Variants in GRIN2A observed in about 807,000 individuals in gnomAD.
GRIN2A encodes the protein glutamate ionotropic receptor NMDA type subunit 2A, also known as glutamate receptor ionotropic, NMDA 2A.
In GRIN2A, 22 loss-of-function variants were observed where a neutral mutation model predicts 113.4. The ratio of observed to expected loss-of-function variants is 0.19; its 90% CI spans 0.14 to 0.28. GRIN2A has a LOEUF of 0.28. Among genes scored for constraint, GRIN2A ranks in the 10% least tolerant of loss-of-function variants. The probability of loss-of-function intolerance (pLI) is 1.00; values close to 1 mark genes in which losing one functional copy is unlikely to be tolerated. For missense variants in GRIN2A, 1,502 were observed against 1,887.0 expected, an observed-to-expected ratio of 0.80 and a Z score of 3.78; for synonymous variants, 827 against 738.4, an observed-to-expected ratio of 1.12 and a Z score of -1.94.
At chr16:10,089,429 T>G (rs1480709874) in intron 2 of GRIN2A, among the ~76,000 whole-genome samples, 1 of 152,154 alleles carries the variant, frequency 6.6e-6, no homozygotes, top group African/African-American at 2.4e-5. Flanking sequence ...ACAATGAATG[T>G]TAAATATGTA....
chr16:9,783,679 A>G (rs1902055924), intron 11 of GRIN2A, among the ~76,000 whole-genome samples: 1 of 152,204 alleles, frequency 6.6e-6, no homozygotes, highest in African/African-American at 2.4e-5. Flanking sequence ...AGAATGAATA[A>G]AACTCAGGGC....
At chr16:9,886,941 G>A (rs1208637981) in intron 4 of GRIN2A, among the ~76,000 whole-genome samples, 1 of 152,138 alleles carries the variant, frequency 6.6e-6, no homozygotes, top group South Asian at 2.1e-4. Context: ...AGGTTGAAGT[G>A]CAGTGGTGCG....
intron 3 of GRIN2A, among the ~76,000 whole-genome samples, chr16:9,909,743 A>G (rs2044097238): frequency 1.3e-5 from 2 of 152,188 alleles, no homozygotes; most frequent in Non-Finnish European, 2.9e-5. Context: ...TATTTTTAGA[A>G]TTAGATTTTA....
chr16:10,117,739 C>T (rs930712453), intron 2 of GRIN2A, among the ~76,000 whole-genome samples: 3 of 152,162 alleles, frequency 2.0e-5, no homozygotes, highest in African/African-American at 7.2e-5. Context: ...GAGGGCTTAA[C>T]AGAGATTGAT....
chr16:10,135,633 C>T (rs148533403), intron 2 of GRIN2A, among the ~76,000 whole-genome samples: 47 of 152,276 alleles, frequency 3.1e-4, no homozygotes, highest in African/African-American at 1.1e-3. Context: ...TTAAGAAATA[C>T]ATGACAAGGA....
intron 2 of GRIN2A, among the ~76,000 whole-genome samples, chr16:10,144,957 A>C (rs1311365651): frequency 1.4e-5 from 2 of 142,328 alleles, no homozygotes; most frequent in Non-Finnish European, 3.1e-5. Flanking sequence ...TGAATGAATA[A>C]AGAAAATGTG....
intron 4 of GRIN2A, among the ~76,000 whole-genome samples, chr16:9,857,180 G>A (rs943442255): frequency 6.6e-6 from 1 of 152,152 alleles, no homozygotes; most frequent in Non-Finnish European, 1.5e-5. Context: ...TCCTAGTCAA[G>A]AGGAGCCTAA....
At chr16:9,840,617 A>G (rs370255206) in intron 7 of GRIN2A, 30 bp downstream of exon 7, 15 of 1,600,354 alleles carry the variant, frequency 9.4e-6, no homozygotes, top group African/African-American at 1.3e-5. Flanking sequence ...TCCTTATAGG[A>G]AAGCAATAGT....
At chr16:10,091,328 G>C (rs1008224091) in intron 2 of GRIN2A, among the ~76,000 whole-genome samples, 1 of 152,134 alleles carries the variant, frequency 6.6e-6, no homozygotes, top group African/African-American at 2.4e-5. Flanking sequence ...CAAAATGTTG[G>C]CTGGGCGCAG....
intron 10 of GRIN2A, among the ~76,000 whole-genome samples, chr16:9,813,408 T>C (rs1156381880): frequency 1.3e-5 from 2 of 152,226 alleles, no homozygotes; most frequent in Admixed American, 1.3e-4. Context: ...CAAGTAATAC[T>C]GTGTTGCTGA....
At chr16:10,069,149 T>C (rs1248085034) in intron 2 of GRIN2A, among the ~76,000 whole-genome samples, 2 of 151,686 alleles carry the variant, frequency 1.3e-5, no homozygotes, top group Admixed American at 6.6e-5. Context: ...AAGGAAAGGA[T>C]GAAGTAGGGG....
intron 3 of GRIN2A, among the ~76,000 whole-genome samples, chr16:9,929,430 C>T (rs1421001312): frequency 6.6e-6 from 1 of 152,162 alleles, no homozygotes. Flanking sequence ...ATTATTATAG[C>T]TCTTTTAACA....
At chr16:10,134,529 T>C (rs1190346544) in intron 2 of GRIN2A, among the ~76,000 whole-genome samples, 1 of 151,976 alleles carries the variant, frequency 6.6e-6, no homozygotes, top group Non-Finnish European at 1.5e-5. Context: ...TTAATGTAAA[T>C]GATGAGTTGA....
At chr16:10,145,513 T>TAA (rs34055110) in intron 2 of GRIN2A, among the ~76,000 whole-genome samples, 35 of 150,090 alleles carry the variant, frequency 2.3e-4, no homozygotes, top group Admixed American at 4.0e-4. Flanking sequence ...CAGCTGTTTT[T>TAA]AAAAAAAAAA....
intron 2 of GRIN2A, among the ~76,000 whole-genome samples, chr16:10,148,383 C>T (rs980257625): frequency 6.6e-6 from 1 of 152,126 alleles, no homozygotes; most frequent in East Asian, 1.9e-4. Flanking sequence ...AAACTGACTC[C>T]ATTTTAAATG....
chr16:10,060,367 T>C (rs1294735709), intron 2 of GRIN2A, among the ~76,000 whole-genome samples: 1 of 152,148 alleles, frequency 6.6e-6, no homozygotes, highest in African/African-American at 2.4e-5. Flanking sequence ...CATTATCTGT[T>C]TAGCCCCTAC....
At chr16:10,096,112 C>T (rs2048284307) in intron 2 of GRIN2A, among the ~76,000 whole-genome samples, 1 of 152,140 alleles carries the variant, frequency 6.6e-6, no homozygotes, top group African/African-American at 2.4e-5. Context: ...CCAAGCCCCA[C>T]CCCAGACTAA....
At chr16:10,121,124 G>C (rs1293450256) in intron 2 of GRIN2A, among the ~76,000 whole-genome samples, 3 of 152,298 alleles carry the variant, frequency 2.0e-5, no homozygotes, top group Admixed American at 2.0e-4. Context: ...ACAGCAAGAA[G>C]GGTGGGGCAA....
At chr16:9,951,894 T>G (rs1249099655) in intron 2 of GRIN2A, among the ~76,000 whole-genome samples, 1 of 152,108 alleles carries the variant, frequency 6.6e-6, no homozygotes, top group Non-Finnish European at 1.5e-5. Flanking sequence ...TCAGGTAAGT[T>G]TGTCTTCTCC....
Sources: gnomAD v4.1 joint callset for allele counts (sites outside exome capture counted in the v4.1 genomes callset) on GRCh38, gnomAD v4.1.1 for gene constraint, MANE v1.5 for transcripts, NCBI Gene and HGNC (gene_info 2026-07-23, HGNC 2026-07-21) for gene names.